The following AGBL1 variants were observed in gnomAD, a reference collection of about 807,000 sequenced individuals.
AGBL1 encodes AGBL carboxypeptidase 1, also known as cytosolic carboxypeptidase 4.
A neutral mutation model predicts 118.9 loss-of-function variants in AGBL1; 130 were observed. The ratio of observed to expected loss-of-function variants is 1.09; its 90% CI spans 0.95 to 1.26. The LOEUF (loss-of-function observed/expected upper bound fraction) is 1.26, where lower values mean the gene tolerates loss of function less well. Among genes scored for constraint, AGBL1 ranks in the 50% most tolerant of loss-of-function variants. The probability of loss-of-function intolerance (pLI) is 0.00; values close to 1 mark genes in which losing one functional copy is unlikely to be tolerated. For synonymous variants in AGBL1, 555 were observed against 478.9 expected, an observed-to-expected ratio of 1.16 and a Z score of -2.08; for missense variants, 1,584 against 1,298.1, an observed-to-expected ratio of 1.22 and a Z score of -3.38.
intron 21 of AGBL1, among the ~76,000 whole-genome samples, chr15:86,570,980 G>T (rs897570186): frequency 6.6e-6 from 1 of 152,216 alleles, no homozygotes; most frequent in Non-Finnish European, 1.5e-5. Flanking sequence ...GCAGTTTGTG[G>T]TCTGGCCGTT....
In AGBL1 at chr15:86,909,573, G is replaced by A. The variant is rs569060685; in HGVS notation, c.*2279G>A. Reference sequence around the variant, plus strand: ...ATATCCATTCTTCATATTAAGACATGTATGTTTATGTAACATATGCAAGAA... The same window carrying A: ...ATATCCATTCTTCATATTAAGACATATATGTTTATGTAACATATGCAAGAA... On this transcript the variant is annotated 3_prime_UTR_variant, in exon 23 of 23. Transcript: ENST00000614907. 7.9e-5 allele frequency: 12 copies of A among 152,296 alleles called. No individual in the cohort carries two copies. Among genetic ancestry groups the A allele is most frequent in the African/African-American group, 2.6e-4 (11 of 41,566 alleles). 9.4% of individuals were successfully genotyped at this position (152,296 alleles called of 1,614,324 possible).
At chr15:86,842,294 G>C (rs886363741) in intron 22 of AGBL1, among the ~76,000 whole-genome samples, 1 of 151,696 alleles carries the variant, frequency 6.6e-6, no homozygotes, top group Non-Finnish European at 1.5e-5. Flanking sequence ...TTATTGAAAT[G>C]GTGGTATAGG....
intron 22 of AGBL1, among the ~76,000 whole-genome samples, chr15:86,723,298 A>G (rs2086761256): frequency 6.6e-6 from 1 of 152,236 alleles, no homozygotes; most frequent in African/African-American, 2.4e-5. Context: ...AATGTGGCAC[A>G]TATACACCAT....
At chr15:86,444,555 A>C (rs1190844281) in intron 18 of AGBL1, among the ~76,000 whole-genome samples, 1 of 152,192 alleles carries the variant, frequency 6.6e-6, no homozygotes, top group Non-Finnish European at 1.5e-5. Flanking sequence ...AACCTGCCTA[A>C]GACCTGAGTG....
chr15:86,691,294 G>A (rs754442686), intron 22 of AGBL1, among the ~76,000 whole-genome samples: 7 of 152,132 alleles, frequency 4.6e-5, no homozygotes, highest in Non-Finnish European at 7.4e-5. Flanking sequence ...GGGCAAGAGC[G>A]AGCTTGTGTA....
At chr15:86,485,866 A>G (rs2082706119) in intron 18 of AGBL1, among the ~76,000 whole-genome samples, 1 of 152,122 alleles carries the variant, frequency 6.6e-6, no homozygotes, top group South Asian at 2.1e-4. Context: ...AAAGGTTTAA[A>G]CTTTGAAATC....
At chr15:86,441,331 G>A (rs922297019) in intron 18 of AGBL1, among the ~76,000 whole-genome samples, 2 of 151,916 alleles carry the variant, frequency 1.3e-5, no homozygotes, top group Non-Finnish European at 2.9e-5. Flanking sequence ...TTTTCCTTTG[G>A]AACCAAAATC....
At chr15:86,926,639 G>A (rs1019595704) in intron 23 of AGBL1, among the ~76,000 whole-genome samples, 20 of 152,128 alleles carry the variant, frequency 1.3e-4, no homozygotes, top group East Asian at 1.9e-4. Context: ...AAGCCAATTC[G>A]ATTTTTCTTT....
intron 22 of AGBL1, among the ~76,000 whole-genome samples, chr15:86,689,355 T>C (rs2086121276): frequency 6.6e-6 from 1 of 152,152 alleles, no homozygotes; most frequent in Non-Finnish European, 1.5e-5. Context: ...TCTAATTTAG[T>C]ATTATCTGTC....
At chr15:86,593,509 C>G (rs1455911357) in intron 21 of AGBL1, among the ~76,000 whole-genome samples, 1 of 152,104 alleles carries the variant, frequency 6.6e-6, no homozygotes, top group Non-Finnish European at 1.5e-5. Flanking sequence ...TCTTCTTCAA[C>G]AGCTGGGAAT....
intron 7 of AGBL1, among the ~76,000 whole-genome samples, chr15:86,256,637 T>C (rs375756691): frequency 1.3e-5 from 2 of 152,216 alleles, no homozygotes; most frequent in South Asian, 4.1e-4. Flanking sequence ...GACAGAAAAG[T>C]GCAGATTCTA....
At chr15:86,433,520 G>A (rs1050749714) in intron 18 of AGBL1, among the ~76,000 whole-genome samples, 3 of 152,022 alleles carry the variant, frequency 2.0e-5, no homozygotes, top group Admixed American at 2.0e-4. Flanking sequence ...CCCAAATCCT[G>A]CCCCTTGACT....
intron 5 of AGBL1, among the ~76,000 whole-genome samples, chr15:86,200,733 C>T (rs905361374): frequency 2.0e-5 from 3 of 151,838 alleles, no homozygotes; most frequent in Admixed American, 6.6e-5. Flanking sequence ...TCTCCTGCTT[C>T]AGCCGCCTGA....
chr15:86,420,313 C>T (rs1294816461), intron 18 of AGBL1, among the ~76,000 whole-genome samples: 4 of 152,058 alleles, frequency 2.6e-5, no homozygotes, highest in African/African-American at 9.7e-5. Flanking sequence ...GCTGGTGACA[C>T]CTAGGCAAAC....
intron 24 of AGBL1, among the ~76,000 whole-genome samples, chr15:86,999,350 TC>T (rs1596723861): frequency 6.7e-6 from 1 of 149,322 alleles, no homozygotes; most frequent in East Asian, 2.0e-4. Flanking sequence ...TAGGTATATC[TC>T]CCGATGCTAT....
At chr15:86,444,365 A>G (rs75918746) in intron 18 of AGBL1, among the ~76,000 whole-genome samples, 6,883 of 152,294 alleles carry the variant, frequency 0.045, 201 homozygotes, top group South Asian at 0.098. Context: ...CAGGGAGAAG[A>G]AGAGCTGGGG....
chr15:86,767,478 G>A, intron 22 of AGBL1, among the ~76,000 whole-genome samples: 2 of 151,996 alleles, frequency 1.3e-5, no homozygotes, highest in Middle Eastern at 6.8e-3. Context: ...TGCTGAGGAG[G>A]CATGTTACCC....
chr15:86,927,528 A>T (rs1295206983), intron 23 of AGBL1, among the ~76,000 whole-genome samples: 1 of 152,170 alleles, frequency 6.6e-6, no homozygotes, highest in Admixed American at 6.5e-5. Flanking sequence ...TCCAGGCTGC[A>T]GTGAGCTATG....
chr15:86,769,162 T>G (rs1047332236), intron 22 of AGBL1, among the ~76,000 whole-genome samples: 1 of 55,684 alleles, frequency 1.8e-5, no homozygotes, highest in African/African-American at 7.9e-5. Context: ...TTGGTGGGCT[T>G]CTCATTTTGA....
Sources: gnomAD v4.1 joint callset for allele counts (sites outside exome capture counted in the v4.1 genomes callset) on GRCh38, gnomAD v4.1.1 for gene constraint, MANE v1.5 for transcripts, NCBI Gene and HGNC (gene_info 2026-07-23, HGNC 2026-07-21) for gene names.